Variants in ARHGAP18 observed in about 807,000 individuals in gnomAD.
ARHGAP18 encodes the protein rho GTPase-activating protein 18.
A neutral mutation model predicts 86.2 loss-of-function variants in ARHGAP18; 67 were observed. The ratio of observed to expected loss-of-function variants is 0.78; its 90% CI spans 0.64 to 0.95. The LOEUF (loss-of-function observed/expected upper bound fraction) is 0.95. Ranked by LOEUF, ARHGAP18 falls within the 40% of genes least tolerant of loss-of-function variation. ARHGAP18 has a pLI of 0.00. For synonymous variants in ARHGAP18, 283 were observed against 280.4 expected (o/e 1.01, Z -0.09); for missense variants, 691 against 780.4 (o/e 0.89, Z 1.37).
chr6:129,672,597 T>C (rs1774159082), intron 1 of ARHGAP18, among the ~76,000 whole-genome samples: 1 of 152,224 alleles, frequency 6.6e-6, no homozygotes, highest in Non-Finnish European at 1.5e-5. Flanking sequence ...CTATTCAGTG[T>C]AGTTCTAGTT....
intron 1 of ARHGAP18, among the ~76,000 whole-genome samples, chr6:129,671,903 C>G (rs769433060): frequency 7.2e-5 from 11 of 152,104 alleles, no homozygotes; most frequent in Admixed American, 2.6e-4. Flanking sequence ...CATAAAACAC[C>G]CCCACAAATT....
chr6:129,597,903 C>T (rs1323150024), intron 12 of ARHGAP18, among the ~76,000 whole-genome samples: 1 of 151,796 alleles, frequency 6.6e-6, no homozygotes, highest in Non-Finnish European at 1.5e-5. Context: ...GCTTTTTTTT[C>T]CATAAATGAC....
At chr6:129,637,052 TTTG>T (rs547977121) in intron 3 of ARHGAP18, among the ~76,000 whole-genome samples, 15 of 151,892 alleles carry the variant, frequency 9.9e-5, no homozygotes, top group African/African-American at 1.7e-4. Flanking sequence ...CTTGTACTGT[TTTG>T]TTGTTGTTGT....
In ARHGAP18 at chr6:129,578,086, T is replaced by C. The variant is rs918742428; in HGVS notation, c.*427A>G. Reference sequence around the variant, plus strand: ...CCATACCTGGTATTTGTTATCTTTTTGGTCAAAAAGCAAACCTAACTGGGA... The same window carrying C: ...CCATACCTGGTATTTGTTATCTTTTCGGTCAAAAAGCAAACCTAACTGGGA... On this transcript the variant is annotated 3_prime_UTR_variant, in exon 15 of 15. Transcript: ENST00000368149. 1 of 152,150 alleles carries C rather than the reference T, an allele frequency of 6.6e-6. No homozygotes were observed. The highest frequency in any genetic ancestry group is 2.4e-5 in the African/African-American group (1 of 41,422). 9.4% of individuals were successfully genotyped at this position (152,150 alleles called of 1,614,324 possible). A position where few individuals can be genotyped will look rare whatever the true frequency, so the allele number is the denominator to read the frequency against.
At chr6:129,578,925 C>A (rs1473249517) in intron 14 of ARHGAP18, among the ~76,000 whole-genome samples, 1 of 152,014 alleles carries the variant, frequency 6.6e-6, no homozygotes, top group African/African-American at 2.4e-5. Flanking sequence ...GATTGCGCCA[C>A]TGCACTTCAG....
At chr6:129,676,568 C>T (rs1284098111) in intron 1 of ARHGAP18, among the ~76,000 whole-genome samples, 4 of 152,170 alleles carry the variant, frequency 2.6e-5, no homozygotes, top group Non-Finnish European at 5.9e-5. Context: ...ACTCAATCTA[C>T]TCATGGAGCT....
intron 12 of ARHGAP18, among the ~76,000 whole-genome samples, chr6:129,598,499 T>C (rs1174650434): frequency 2.6e-5 from 4 of 152,174 alleles, no homozygotes; most frequent in East Asian, 1.9e-4. Context: ...TTCACTTAAA[T>C]AGAACAATAG....
Position 129,642,021 on chromosome 6 carries a change from G to C in ARHGAP18, c.114-3C>G. 1 of 1,612,596 alleles carries C rather than the reference G, an allele frequency of 6.2e-7. No homozygotes were observed. Among genetic ancestry groups the C allele is most frequent in the Non-Finnish European group, 8.5e-7 (1 of 1,179,390 alleles). On this transcript the variant is annotated splice_polypyrimidine_tract_variant and splice_region_variant and intron_variant, in intron 1 of 14. Coordinates refer to ENST00000368149, the MANE Select transcript of ARHGAP18 (RefSeq NM_033515.3). ...TAGTGTACTGGCCATATCTGCGACTGTAAATTCAAAAGAACCCATGGTTTA... is the reference window on the plus strand; with the variant it reads ...TAGTGTACTGGCCATATCTGCGACTCTAAATTCAAAAGAACCCATGGTTTA...
chr6:129,591,658 T>G lies in ARHGAP18; in HGVS notation c.1714-7546A>C, dbSNP rs531859921. On this transcript the variant is annotated intron_variant, in intron 12 of 14. Transcript: ENST00000368149. The stretch of plus-strand genomic sequence containing the variant: ...CTGCATTGCTCATATTTTTGCACTC[T>G]AGAGATTAGAAATTTAATGTCAGAC... 3.3e-5 allele frequency among the ~76,000 whole-genome samples: 5 copies of G among 152,326 alleles called. No homozygotes were observed. In the South Asian group the frequency reaches 1.0e-3, roughly 32 times the overall value.
rs185147825 is a variant in ARHGAP18, at chr6:129,577,772, A to G, written c.*741T>C. On this transcript the variant is annotated 3_prime_UTR_variant, in exon 15 of 15. Transcript: ENST00000368149. The stretch of plus-strand genomic sequence containing the variant: ...TCACTCTCTTGTTATCCATAATCCA[A>G]TTATTATTTCACATGGGTATATTTT... 3 of 152,322 alleles carry G rather than the reference A, an allele frequency of 2.0e-5. No individual in the cohort carries two copies. The highest frequency in any genetic ancestry group is 7.2e-5 in the African/African-American group (3 of 41,582). The allele number at this position is 152,322 out of a possible 1,614,324, so 9.4% of individuals were successfully genotyped here.
intron 1 of ARHGAP18, among the ~76,000 whole-genome samples, chr6:129,653,551 C>T (rs979162628): frequency 6.6e-6 from 1 of 152,118 alleles, no homozygotes; most frequent in Non-Finnish European, 1.5e-5. Flanking sequence ...TTTAGCCAAG[C>T]TTAGAAACAA....
intron 10 of ARHGAP18, among the ~76,000 whole-genome samples, 193 bp downstream of exon 10, chr6:129,605,684 C>G (rs1788837382): frequency 6.6e-6 from 1 of 152,052 alleles, no homozygotes. Context: ...AAAACAAAAA[C>G]TTAATAACAT....
chr6:129,613,653 T>C (rs941105150), intron 7 of ARHGAP18, among the ~76,000 whole-genome samples: 9 of 152,224 alleles, frequency 5.9e-5, no homozygotes, highest in Admixed American at 3.3e-4. Flanking sequence ...CAGCACCCAA[T>C]AGAGTTACGT....
At chr6:129,684,261 G>T (rs1465797030) in intron 1 of ARHGAP18, among the ~76,000 whole-genome samples, 1 of 152,194 alleles carries the variant, frequency 6.6e-6, no homozygotes, top group South Asian at 2.1e-4. Context: ...CAGCAAAAAT[G>T]CATGTGCAAA....
intron 1 of ARHGAP18, among the ~76,000 whole-genome samples, chr6:129,649,806 C>G (rs533031785): frequency 6.6e-6 from 1 of 151,874 alleles, no homozygotes; most frequent in Non-Finnish European, 1.5e-5. Context: ...GGAAACTTGG[C>G]TTTATCACTT....
intron 2 of ARHGAP18, among the ~76,000 whole-genome samples, chr6:129,638,908 C>G (rs1773389432): frequency 3.3e-5 from 5 of 152,112 alleles, no homozygotes; most frequent in Admixed American, 3.3e-4. Context: ...GATACTGTTC[C>G]CCTTCCAGAG....
At chr6:129,597,668 G>A (rs758270922) in intron 12 of ARHGAP18, among the ~76,000 whole-genome samples, 1 of 151,928 alleles carries the variant, frequency 6.6e-6, no homozygotes, top group Non-Finnish European at 1.5e-5. Flanking sequence ...ATAAAGTGGG[G>A]GCCTAGCACC....
chr6:129,675,620 C>T (rs987569226), intron 1 of ARHGAP18, among the ~76,000 whole-genome samples: 4 of 152,142 alleles, frequency 2.6e-5, no homozygotes, highest in Admixed American at 1.3e-4. Flanking sequence ...TGCAGCACAG[C>T]CACCTGCCTT....
rs1313012533 is a variant in ARHGAP18 at position 129,634,047 on chromosome 6, C to T, written c.611G>A (p.Arg204Lys). ...LRTNENKYQG[R>K]DDEASNLVGE... ...AGAGAACAGGTTCAACATACCATCT[C>T]TTCCTTGGTATTTGTTTTCATTTGT... The change falls in exon 4 of 15, where the codon AGA becomes AAA. Residue 204 changes from arginine (R) to lysine (K), a missense_variant. Arg to Lys is a conservative substitution (Grantham distance 26, BLOSUM62 2). Transcript: ENST00000368149. 1 of 1,610,972 alleles carries T rather than the reference C, an allele frequency of 6.2e-7. No individual in the cohort carries two copies. Among genetic ancestry groups the T allele is most frequent in the Non-Finnish European group, 8.5e-7 (1 of 1,178,826 alleles).
Sources: allele counts gnomAD v4.1 joint callset (sites outside exome capture counted in the v4.1 genomes callset), GRCh38; gene constraint gnomAD v4.1.1; transcripts MANE v1.5; gene names NCBI Gene and HGNC (gene_info 2026-07-23, HGNC 2026-07-21).